SLC36A1: variants seen among roughly 807,000 people sequenced by gnomAD.
SLC36A1 encodes proton-coupled amino acid transporter 1.
SLC36A1 carries 30 observed loss-of-function variants against 47.5 expected under a neutral mutation model. The ratio of observed to expected loss-of-function variants is 0.63; its 90% CI spans 0.47 to 0.86. The LOEUF (loss-of-function observed/expected upper bound fraction) is 0.86, where lower values mean the gene tolerates loss of function less well. Ranked by LOEUF, SLC36A1 falls within the 40% of genes least tolerant of loss-of-function variation. The probability of loss-of-function intolerance (pLI) is 0.00; values close to 1 mark genes in which losing one functional copy is unlikely to be tolerated. For missense variants in SLC36A1, 517 were observed against 606.0 expected, an observed-to-expected ratio of 0.85 and a Z score of 1.54; for synonymous variants, 255 against 249.7, an observed-to-expected ratio of 1.02 and a Z score of -0.20.
chr5:151,436,258 C>T (rs148363119), upstream of SLC36A1, among the ~76,000 whole-genome samples: 2 of 152,294 alleles, frequency 1.3e-5, no homozygotes, highest in African/African-American at 4.8e-5. Context: ...CCCTCACATA[C>T]CCAATAACCA....
chr5:151,517,723 C>G, the SLC36A1 span: 113 of 1,614,094 alleles, frequency 7.0e-5, no homozygotes, highest in Non-Finnish European at 9.2e-5. Context: ...CGCTGGGGCC[C>G]TGTACCGCAC....
chr5:151,463,491 C>A, intron 2 of SLC36A1, 62 bp from the exon 3 acceptor site: 1 of 1,184,572 alleles, frequency 8.4e-7, no homozygotes, highest in Non-Finnish European at 1.3e-6. Context: ...CATATAAGCA[C>A]TGAGATCCTA....
chr5:151,360,367 A>G, the SLC36A1 span, among the ~76,000 whole-genome samples: 1 of 152,232 alleles, frequency 6.6e-6, no homozygotes, highest in African/African-American at 2.4e-5. Context: ...GCTAGAAAAA[A>G]GAAAATGTTA....
chr5:151,452,168 A>G (rs891306006), intron 1 of SLC36A1, among the ~76,000 whole-genome samples: 2 of 152,262 alleles, frequency 1.3e-5, no homozygotes, highest in Non-Finnish European at 2.9e-5. Context: ...CTGTTCTAGC[A>G]TCAGACTCCT....
At chr5:151,472,248 A>G (rs1210019181) in intron 7 of SLC36A1, among the ~76,000 whole-genome samples, 1 of 152,256 alleles carries the variant, frequency 6.6e-6, no homozygotes, top group Admixed American at 6.5e-5. Flanking sequence ...AAGGGCAGGA[A>G]GTATCCAGCA....
chr5:151,402,157 T>G, the SLC36A1 span, among the ~76,000 whole-genome samples: 1 of 152,222 alleles, frequency 6.6e-6, no homozygotes. Flanking sequence ...TTGAGACATA[T>G]TCCTCCGATG....
chr5:151,550,657 C>T, the SLC36A1 span: 3 of 1,614,216 alleles, frequency 1.9e-6, no homozygotes, highest in Non-Finnish European at 2.5e-6. Flanking sequence ...TACCAGGACA[C>T]CACTGCTTGG....
the SLC36A1 span, among the ~76,000 whole-genome samples, chr5:151,419,200 A>G: frequency 6.6e-6 from 1 of 152,214 alleles, no homozygotes; most frequent in Non-Finnish European, 1.5e-5. Flanking sequence ...TTTTTATAGC[A>G]GTGTGAAAAT....
At chr5:151,411,577 A>T in the SLC36A1 span, among the ~76,000 whole-genome samples, 1 of 144,926 alleles carries the variant, frequency 6.9e-6, no homozygotes, top group African/African-American at 2.5e-5. Flanking sequence ...AAGCCAATAC[A>T]CAGAGCCAAA....
chr5:151,449,747 G>A (rs753668613), intron 1 of SLC36A1, among the ~76,000 whole-genome samples: 2 of 152,210 alleles, frequency 1.3e-5, no homozygotes, highest in Non-Finnish European at 2.9e-5. Context: ...CACTGAGCAC[G>A]GAGCTCCCTG....
At chr5:151,399,086 T>TATATA in the SLC36A1 span, among the ~76,000 whole-genome samples, 470 of 49,588 alleles carry the variant, frequency 9.5e-3, no homozygotes, top group African/African-American at 0.02. Flanking sequence ...ATATATATAT[T>TATATA]TTTTTTTTTT....
At chr5:151,422,435 G>A in the SLC36A1 span, among the ~76,000 whole-genome samples, 1 of 152,168 alleles carries the variant, frequency 6.6e-6, no homozygotes, top group South Asian at 2.1e-4. Context: ...GGACAAAAGG[G>A]CCTGGAACAG....
At chr5:151,350,040 C>T in the SLC36A1 span, among the ~76,000 whole-genome samples, 2 of 152,130 alleles carry the variant, frequency 1.3e-5, no homozygotes, top group African/African-American at 2.4e-5. Context: ...ATCACTGGTA[C>T]TCCTTTGGGC....
At chr5:151,426,096 C>T in the SLC36A1 span, among the ~76,000 whole-genome samples, 1 of 152,162 alleles carries the variant, frequency 6.6e-6, no homozygotes, top group Non-Finnish European at 1.5e-5. Flanking sequence ...CATATCAGTG[C>T]ACAATAGATG....
At chr5:151,477,343 TGA>T (rs1365627156) in intron 9 of SLC36A1, 1 of 166,824 alleles carries the variant, frequency 6.0e-6, no homozygotes, top group African/African-American at 2.4e-5. Flanking sequence ...TAGCAGACAC[TGA>T]GAAGCTTGTT....
chr5:151,390,849 C>T, the SLC36A1 span, among the ~76,000 whole-genome samples: 1 of 152,198 alleles, frequency 6.6e-6, no homozygotes, highest in East Asian at 1.9e-4. Context: ...ATGATGCCTC[C>T]AGCTTTGTTC....
At chr5:151,427,357 A>G in the SLC36A1 span, among the ~76,000 whole-genome samples, 1 of 152,270 alleles carries the variant, frequency 6.6e-6, no homozygotes, top group Non-Finnish European at 1.5e-5. Flanking sequence ...TTTGAGAGAC[A>G]TCGGCAAATT....
chr5:151,358,702 G>T, the SLC36A1 span, among the ~76,000 whole-genome samples: 1 of 151,542 alleles, frequency 6.6e-6, no homozygotes, highest in Admixed American at 6.6e-5. Context: ...GGCCGGGCGC[G>T]GTGGCTCACG....
the SLC36A1 span, chr5:151,546,452 A>G: frequency 1.5e-6 from 1 of 682,642 alleles, no homozygotes; most frequent in Non-Finnish European, 2.5e-6. Context: ...AAATCTGCAT[A>G]TAGTGTATAC....
Sources: gnomAD v4.1 joint callset for allele counts (sites outside exome capture counted in the v4.1 genomes callset) on GRCh38, gnomAD v4.1.1 for gene constraint, MANE v1.5 for transcripts, NCBI Gene and HGNC (gene_info 2026-07-23, HGNC 2026-07-21) for gene names.